The following CDH13 variants were observed in gnomAD, a reference collection of about 807,000 sequenced individuals.
CDH13 encodes the protein cadherin-13.
In CDH13, 24 loss-of-function variants were observed where a neutral mutation model predicts 63.8. The observed-to-expected ratio is 0.38, with a 90% CI of 0.27 to 0.53. The LOEUF (loss-of-function observed/expected upper bound fraction) is 0.53, where lower values mean the gene tolerates loss of function less well. Ranked by LOEUF, CDH13 falls within the 20% of genes least tolerant of loss-of-function variation. The pLI is 0.85. For synonymous variants in CDH13, 503 were observed against 355.3 expected, an observed-to-expected ratio of 1.42 and a Z score of -4.67; for missense variants, 1,049 against 903.1, an observed-to-expected ratio of 1.16 and a Z score of -2.07.
At chr16:83,460,809 G>A (rs146410166) in intron 6 of CDH13, among the ~76,000 whole-genome samples, 2 of 150,290 alleles carry the variant, frequency 1.3e-5, no homozygotes, top group African/African-American at 4.9e-5. Context: ...ATCAGCCTGG[G>A]CAACATAGCG....
chr16:83,408,387 G>T (rs1441607559), intron 6 of CDH13, among the ~76,000 whole-genome samples: 1 of 152,074 alleles, frequency 6.6e-6, no homozygotes, highest in African/African-American at 2.4e-5. Context: ...GTGCACTTAC[G>T]CAAATCTAGA....
intron 5 of CDH13, among the ~76,000 whole-genome samples, chr16:83,319,616 T>G (rs375415719): frequency 6.6e-6 from 1 of 152,176 alleles, no homozygotes. Flanking sequence ...GGAGAATAAG[T>G]TTTAAATTAC....
At chr16:83,763,293 G>A (rs1482788997) in intron 11 of CDH13, among the ~76,000 whole-genome samples, 1 of 152,220 alleles carries the variant, frequency 6.6e-6, no homozygotes, top group Non-Finnish European at 1.5e-5. Context: ...ATTTTTCATA[G>A]GCTAAGATAT....
rs775229873 is a variant in CDH13, at chr16:83,230,947, C to T, written c.636+13450C>T. Among the ~76,000 whole-genome samples the T allele has an allele frequency of 1.6e-4, 24 of 152,278 alleles. 1 individual carries two copies. The highest frequency in any genetic ancestry group is 5.9e-4 in the Admixed American group (9 of 15,292). Reference sequence around the variant, plus strand: ...TTTGGAATGTGAACCAAGCATATGCCGGGAGACATCCTCGAAATACCATTT... The same window carrying T: ...TTTGGAATGTGAACCAAGCATATGCTGGGAGACATCCTCGAAATACCATTT... On this transcript the variant is annotated intron_variant, in intron 5 of 13. Coordinates refer to ENST00000567109, the MANE Select transcript of CDH13 (RefSeq NM_001257.5).
intron 3 of CDH13, among the ~76,000 whole-genome samples, chr16:83,059,917 C>T (rs996796369): frequency 1.3e-5 from 2 of 151,530 alleles, no homozygotes; most frequent in African/African-American, 4.9e-5. Flanking sequence ...CCTCAGCCTC[C>T]CGAGTAGCTG....
At chr16:83,237,880 G>C (rs991340382) in intron 5 of CDH13, among the ~76,000 whole-genome samples, 1 of 152,204 alleles carries the variant, frequency 6.6e-6, no homozygotes, top group Non-Finnish European at 1.5e-5. Context: ...TTTGGGTATT[G>C]ATAACTTATA....
intron 1 of CDH13, among the ~76,000 whole-genome samples, chr16:82,661,208 C>G (rs141470124): frequency 1.3e-5 from 2 of 152,156 alleles, no homozygotes; most frequent in South Asian, 2.1e-4. Context: ...TGGCTTCAAG[C>G]TCTCCCCTCA....
intron 8 of CDH13, among the ~76,000 whole-genome samples, chr16:83,614,006 A>C (rs1291536486): frequency 6.6e-6 from 1 of 152,206 alleles, no homozygotes; most frequent in Non-Finnish European, 1.5e-5. Context: ...AGCATCCATT[A>C]ATAGATACTT....
chr16:82,764,966 C>T (rs1214921663), intron 1 of CDH13, among the ~76,000 whole-genome samples: 1 of 152,076 alleles, frequency 6.6e-6, no homozygotes, highest in East Asian at 1.9e-4. Flanking sequence ...AGACGTGTGC[C>T]ACTATGCCTG....
chr16:82,826,753 G>A (rs527967850), intron 1 of CDH13: 1 of 152,216 alleles, frequency 6.6e-6, no homozygotes, highest in Non-Finnish European at 1.5e-5. Flanking sequence ...TAGTGGATTT[G>A]CTGGTGAAAC....
rs1451003566 is a variant in CDH13, at chr16:83,038,580, T to C, written c.366+6362T>C. On this transcript the variant is annotated intron_variant, in intron 3 of 13. Transcript: ENST00000567109. ...TATGTCTGGACAGAATCATGACTTT[T>C]CCCCACCAAATCTGCTGTTTCTCAT... 2.0e-5 allele frequency among the ~76,000 whole-genome samples: 3 copies of C among 152,212 alleles called. No individual in the cohort carries two copies. In the South Asian group the frequency reaches 6.2e-4, roughly 32 times the overall value.
intron 7 of CDH13, among the ~76,000 whole-genome samples, chr16:83,597,221 T>A (rs1907348083): frequency 6.8e-6 from 1 of 148,112 alleles, no homozygotes; most frequent in Non-Finnish European, 1.5e-5. Context: ...AGACCCTGAC[T>A]CACACACACA....
At position 83,409,767 on chromosome 16, in the gene CDH13, A is replaced by T. The variant is rs1448130201; in HGVS notation, c.781+64761A>T. 2.6e-5 allele frequency among the ~76,000 whole-genome samples: 4 copies of T among 152,246 alleles called. No homozygotes were observed. The East Asian group carries it at 5.8e-4, about 22-fold the overall frequency. On this transcript the variant is annotated intron_variant, in intron 6 of 13. Transcript: ENST00000567109. ...CCAGAAGTGGGATGTTGAGTGGTAC[A>T]ATCCATGATGTGCCATTTCTCAACA...
chr16:82,970,231 A>T (rs1567705817), intron 2 of CDH13, among the ~76,000 whole-genome samples: 2 of 152,132 alleles, frequency 1.3e-5, no homozygotes, highest in African/African-American at 2.4e-5. Context: ...TTCCAGCTAC[A>T]TCCGTGATCC....
intron 11 of CDH13, among the ~76,000 whole-genome samples, chr16:83,764,523 C>G (rs1408295725): frequency 6.6e-6 from 1 of 152,168 alleles, no homozygotes; most frequent in Non-Finnish European, 1.5e-5. Context: ...TAGCTGGTCC[C>G]CCACTGGAGT....
At chr16:82,962,223 T>C (rs1328661364) in intron 2 of CDH13, among the ~76,000 whole-genome samples, 9 of 152,082 alleles carry the variant, frequency 5.9e-5, no homozygotes, top group Non-Finnish European at 1.2e-4. Context: ...GGAAAACAGA[T>C]ACACAGGGGA....
intron 6 of CDH13, among the ~76,000 whole-genome samples, chr16:83,364,634 T>C (rs2091224833): frequency 6.6e-6 from 1 of 152,204 alleles, no homozygotes; most frequent in Non-Finnish European, 1.5e-5. Context: ...CATTACTTGG[T>C]TAGTCTAGGG....
chr16:83,570,848 ATATAAATATAAATATATTTATATATTTAT>A (rs1201277935), intron 7 of CDH13, among the ~76,000 whole-genome samples: 20 of 139,992 alleles, frequency 1.4e-4, no homozygotes, highest in African/African-American at 4.9e-4. Flanking sequence ...ATTTTTATAT[ATATAAATATAAATATATTTATATATTTAT>A]ATTTATAAAT....
intron 2 of CDH13, among the ~76,000 whole-genome samples, chr16:82,981,806 C>G (rs1046180577): frequency 6.6e-6 from 1 of 152,166 alleles, no homozygotes; most frequent in Admixed American, 6.5e-5. Flanking sequence ...AATTTTCTCC[C>G]GTAAGCCCTT....
Sources: allele counts gnomAD v4.1 joint callset (sites outside exome capture counted in the v4.1 genomes callset), GRCh38; gene constraint gnomAD v4.1.1; transcripts MANE v1.5; gene names NCBI Gene and HGNC (gene_info 2026-07-23, HGNC 2026-07-21).